PCMT1: variants seen among roughly 807,000 people sequenced by gnomAD.
PCMT1 encodes protein-L-isoaspartate (D-aspartate) O-methyltransferase, also known as protein-L-isoaspartate(D-aspartate) O-methyltransferase.
A neutral mutation model predicts 29.2 loss-of-function variants in PCMT1; 9 were observed. The ratio of observed to expected loss-of-function variants is 0.31; its 90% CI spans 0.19 to 0.54. PCMT1 has a LOEUF of 0.54. Among genes scored for constraint, PCMT1 ranks in the 20% least tolerant of loss-of-function variants. PCMT1 has a pLI of 0.95. For synonymous variants in PCMT1, 98 were observed against 97.5 expected, an observed-to-expected ratio of 1.00 and a Z score of -0.03; for missense variants, 184 against 282.2, an observed-to-expected ratio of 0.65 and a Z score of 2.49.
intron 1 of PCMT1, chr6:149,765,720 A>G (rs929218886): frequency 3.8e-5 from 13 of 345,136 alleles, no homozygotes; most frequent in African/African-American, 3.0e-4. Flanking sequence ...TAATACCAGC[A>G]CTTTGGGAGG....
intron 1 of PCMT1, among the ~76,000 whole-genome samples, chr6:149,769,742 G>A (rs1160597835): frequency 6.7e-6 from 1 of 149,820 alleles, no homozygotes; most frequent in East Asian, 2.0e-4. Context: ...ATGACTACAT[G>A]GTTGTGCCAT....
chr6:149,750,724 A>G (rs1286211439), intron 1 of PCMT1, among the ~76,000 whole-genome samples: 3 of 152,116 alleles, frequency 2.0e-5, no homozygotes, highest in South Asian at 4.1e-4. Flanking sequence ...GAGTTTCTTT[A>G]TATCACTCTC....
chr6:149,772,594 T>C (rs1787378472), intron 2 of PCMT1: 1 of 456,222 alleles, frequency 2.2e-6, no homozygotes, highest in Non-Finnish European at 4.4e-6. Flanking sequence ...TGCCGTACTT[T>C]AGAGGGACTG....
intron 2 of PCMT1, among the ~76,000 whole-genome samples, chr6:149,771,540 G>A (rs1018438018): frequency 1.3e-5 from 2 of 152,094 alleles, no homozygotes; most frequent in Non-Finnish European, 1.5e-5. Context: ...ATTTGGAGAC[G>A]GAGTCTCATT....
chr6:149,798,989 T>C (rs1024402943), intron 6 of PCMT1: 1 of 152,190 alleles, frequency 6.6e-6, no homozygotes, highest in African/African-American at 2.4e-5. Flanking sequence ...ATATCATTTA[T>C]ATTCAGAATA....
At chr6:149,783,436 G>A (rs746270111) in intron 3 of PCMT1, among the ~76,000 whole-genome samples, 9 of 152,092 alleles carry the variant, frequency 5.9e-5, no homozygotes, top group Non-Finnish European at 1.0e-4. Context: ...CGTCCCACAT[G>A]TTATTAATTA....
chr6:149,767,462 T>A (rs1394523491), intron 1 of PCMT1, among the ~76,000 whole-genome samples: 1 of 152,086 alleles, frequency 6.6e-6, no homozygotes, highest in Non-Finnish European at 1.5e-5. Flanking sequence ...ATTTTTATTT[T>A]TATTTATTGA....
At chr6:149,754,203 C>T (rs779781392) in intron 1 of PCMT1, among the ~76,000 whole-genome samples, 4 of 151,852 alleles carry the variant, frequency 2.6e-5, no homozygotes, top group African/African-American at 4.8e-5. Context: ...ACTGAAGAAC[C>T]GAAATTCAAT....
At chr6:149,778,023 T>TAC (rs1047931853) in intron 3 of PCMT1, among the ~76,000 whole-genome samples, 1 of 151,412 alleles carries the variant, frequency 6.6e-6, no homozygotes, top group African/African-American at 2.4e-5. Flanking sequence ...ATTACAGATA[T>TAC]ACACCACCAA....
chr6:149,793,135 C>T (rs958888010), intron 4 of PCMT1, among the ~76,000 whole-genome samples: 31 of 147,464 alleles, frequency 2.1e-4, no homozygotes, highest in African/African-American at 6.9e-4. Context: ...TGTACTCCAG[C>T]CTGGGTGACA....
chr6:149,775,205 C>A (rs886829394), intron 3 of PCMT1, among the ~76,000 whole-genome samples: 1 of 152,024 alleles, frequency 6.6e-6, no homozygotes, highest in Non-Finnish European at 1.5e-5. Flanking sequence ...CTTATTTAAA[C>A]TTAATACTAA....
intron 3 of PCMT1, among the ~76,000 whole-genome samples, chr6:149,776,243 C>T (rs1013404853): frequency 6.6e-6 from 1 of 152,094 alleles, no homozygotes; most frequent in Non-Finnish European, 1.5e-5. Flanking sequence ...GTCATCTTCA[C>T]GTATTTAAAT....
At chr6:149,788,665 G>C (rs1788222136) in intron 3 of PCMT1, among the ~76,000 whole-genome samples, 1 of 152,230 alleles carries the variant, frequency 6.6e-6, no homozygotes, top group African/African-American at 2.4e-5. Flanking sequence ...ATCTGATTAA[G>C]GTAGTGTTGA....
chr6:149,787,161 G>A (rs909018512), intron 3 of PCMT1, among the ~76,000 whole-genome samples: 1 of 146,684 alleles, frequency 6.8e-6, no homozygotes, highest in Non-Finnish European at 1.5e-5. Flanking sequence ...GCCTGCAATC[G>A]CAGGCACTCG....
intron 1 of PCMT1, among the ~76,000 whole-genome samples, chr6:149,766,258 C>T (rs1156849212): frequency 6.6e-6 from 1 of 152,114 alleles, no homozygotes; most frequent in African/African-American, 2.4e-5. Flanking sequence ...GAAACACATC[C>T]TCTAGAAGAT....
At chr6:149,761,785 T>C (rs1373914504) in intron 1 of PCMT1, among the ~76,000 whole-genome samples, 2 of 152,204 alleles carry the variant, frequency 1.3e-5, no homozygotes, top group East Asian at 3.8e-4. Flanking sequence ...ACAGTTCTTT[T>C]ACATTGTCAA....
At chr6:149,787,823 C>CTGTG (rs35913473) in intron 3 of PCMT1, among the ~76,000 whole-genome samples, 5 of 150,138 alleles carry the variant, frequency 3.3e-5, no homozygotes, top group South Asian at 2.1e-4. Flanking sequence ...CCTCTCTCCT[C>CTGTG]TGTGTGTGTG....
In PCMT1 at chr6:149,757,017, T is replaced by C. The variant is rs186558295; in HGVS notation, c.55+7061T>C. On this transcript the variant is annotated intron_variant, in intron 1 of 7. Coordinates refer to ENST00000464889, the MANE Select transcript of PCMT1 (RefSeq NM_001360452.2). Reference sequence around the variant, plus strand: ...TAAAAATACAAAAATTAGCTGGGCATGGTGACAGGAGCCTATAATCCCAGC... The same window carrying C: ...TAAAAATACAAAAATTAGCTGGGCACGGTGACAGGAGCCTATAATCCCAGC... Among the ~76,000 whole-genome samples, 23 of 152,018 alleles carry C rather than the reference T, an allele frequency of 1.5e-4. No homozygotes were observed. The East Asian group carries it at 4.4e-3, about 29-fold the overall frequency.
At chr6:149,778,620 C>T (rs191373265) in intron 3 of PCMT1, among the ~76,000 whole-genome samples, 1 of 152,148 alleles carries the variant, frequency 6.6e-6, no homozygotes, top group Admixed American at 6.5e-5. Flanking sequence ...CCACTGCAGC[C>T]GAGACCTGCT....
Sources: allele counts gnomAD v4.1 joint callset (sites outside exome capture counted in the v4.1 genomes callset), GRCh38; gene constraint gnomAD v4.1.1; transcripts MANE v1.5; gene names NCBI Gene and HGNC (gene_info 2026-07-23, HGNC 2026-07-21).